Variants in DOCK9 observed in about 807,000 individuals in gnomAD.
DOCK9 encodes dedicator of cytokinesis 9, also known as dedicator of cytokinesis protein 9.
In DOCK9, 89 loss-of-function variants were observed where a neutral mutation model predicts 263.3. That is an observed-to-expected ratio of 0.34 (90% confidence interval 0.28 to 0.40). DOCK9 has a LOEUF of 0.40. Ranked by LOEUF, DOCK9 falls within the 10% of genes least tolerant of loss-of-function variation. The pLI, the probability that DOCK9 is intolerant of heterozygous loss-of-function variation, is 1.00. For missense variants in DOCK9, 2,140 were observed against 2,603.4 expected (o/e 0.82, Z 3.87); for synonymous variants, 976 against 973.1 (o/e 1.00, Z -0.06).
At chr13:99,030,353 T>A (rs1192210869) in intron 1 of DOCK9, among the ~76,000 whole-genome samples, 1 of 152,210 alleles carries the variant, frequency 6.6e-6, no homozygotes, top group Non-Finnish European at 1.5e-5. Context: ...AAATGGAACA[T>A]TTGTTTCTGT....
intron 1 of DOCK9, among the ~76,000 whole-genome samples, chr13:99,037,146 A>C (rs896165489): frequency 6.6e-6 from 1 of 152,202 alleles, no homozygotes; most frequent in African/African-American, 2.4e-5. Context: ...TGTGTATTTC[A>C]TTACAATAAA....
intron 48 of DOCK9, 31 bp from the exon 49 acceptor site, chr13:98,805,240 G>A (rs368521244): frequency 4.5e-6 from 7 of 1,543,060 alleles, no homozygotes; most frequent in Non-Finnish European, 5.3e-6. Context: ...TGGGAGATTG[G>A]TGCTCCATGA....
At position 98,925,897 on chromosome 13, in the gene DOCK9, T is replaced by A; in HGVS notation, c.356A>T (p.Asp119Val). The change falls in exon 4 of 53, where the codon GAC (aspartate) becomes GTC (valine). Residue 119 changes from aspartate (D) to valine (V), a missense_variant. Asp to Val is a radical substitution (Grantham distance 152). This residue lies in a region of DOCK9 where 1,521 missense variants were observed against 1,741.7 expected (regional missense o/e 0.87). Transcript: ENST00000682017. ...ATATTTATAGTTCACAAGATGCCAG[T>A]CAGAGTTATAGGTTTTGATGCACTA... is the stretch of plus-strand genomic sequence containing the variant. ...VTECIKTYNS[D>V]WHLVNYKYED... 6.3e-7 allele frequency: 1 copy of A among 1,587,324 alleles called. No individual in the cohort carries two copies. Among genetic ancestry groups the A allele is most frequent in the South Asian group, 1.2e-5 (1 of 86,820 alleles).
intron 1 of DOCK9, among the ~76,000 whole-genome samples, chr13:99,079,058 C>T (rs2042022133): frequency 6.6e-6 from 1 of 152,210 alleles, no homozygotes; most frequent in African/African-American, 2.4e-5. Flanking sequence ...GACAGGTACA[C>T]TTTTAAAACC....
intron 47 of DOCK9, 51 bp downstream of exon 47, chr13:98,809,290 TTTTTGTTTTTG>T (rs773118680): frequency 2.1e-6 from 3 of 1,408,896 alleles, no homozygotes; most frequent in Admixed American, 4.2e-5. Context: ...TTTTTTTTTG[TTTTTGTTTTTG>T]TTTTTTTTTA....
chr13:99,018,155 T>C (rs1442218663), intron 1 of DOCK9, among the ~76,000 whole-genome samples: 4 of 152,236 alleles, frequency 2.6e-5, no homozygotes, highest in Non-Finnish European at 5.9e-5. Context: ...AGTTTGAATG[T>C]GTCCCCCAAA....
chr13:98,845,591 T>C (rs1268756265), intron 38 of DOCK9, among the ~76,000 whole-genome samples: 1 of 152,176 alleles, frequency 6.6e-6, no homozygotes, highest in Non-Finnish European at 1.5e-5. Context: ...AAGCCAACAT[T>C]AAGTCGGTTC....
rs578057934 is a variant in DOCK9, at chr13:98,909,149, C to G, written c.961-4443G>C. On this transcript the variant is annotated intron_variant, in intron 9 of 52. Coordinates refer to ENST00000682017, the MANE Select transcript of DOCK9 (RefSeq NM_001366683.2). Reference sequence around the variant, plus strand: ...GAGAGGAAAATGGAGACAGAAAATGCACAATGGCAGAGCTGTTCTCTGTAG... The same window carrying G: ...GAGAGGAAAATGGAGACAGAAAATGGACAATGGCAGAGCTGTTCTCTGTAG... 1.4e-3 allele frequency among the ~76,000 whole-genome samples: 215 copies of G among 152,262 alleles called. 1 individual carries two copies. Among genetic ancestry groups the G allele is most frequent in the African/African-American group, 5.0e-3 (206 of 41,558 alleles).
intron 45 of DOCK9, among the ~76,000 whole-genome samples, chr13:98,818,892 T>A (rs1376765381): frequency 6.6e-6 from 1 of 152,224 alleles, no homozygotes; most frequent in African/African-American, 2.4e-5. Context: ...AGCCTATGTC[T>A]GTGCAGGGTT....
chr13:98,934,091 C>CG (rs145777248), intron 2 of DOCK9, among the ~76,000 whole-genome samples: 4,378 of 151,574 alleles, frequency 0.029, 208 homozygotes, highest in African/African-American at 0.099. Flanking sequence ...GAGATGGGGG[C>CG]GGGGGGTCTC....
At chr13:98,963,171 C>T (rs116060626) in intron 1 of DOCK9, among the ~76,000 whole-genome samples, 4,694 of 152,268 alleles carry the variant, frequency 0.031, 105 homozygotes, top group South Asian at 0.062. Flanking sequence ...TTCCCTACAC[C>T]TCCCATGGGG....
intron 38 of DOCK9, among the ~76,000 whole-genome samples, chr13:98,840,413 C>T (rs1419203627): frequency 2.0e-5 from 3 of 152,146 alleles, no homozygotes; most frequent in Admixed American, 6.5e-5. Context: ...ACACATGCCC[C>T]GGGATGCTTT....
intron 4 of DOCK9, among the ~76,000 whole-genome samples, chr13:98,924,515 G>A (rs2052604471): frequency 6.6e-6 from 1 of 152,190 alleles, no homozygotes; most frequent in Non-Finnish European, 1.5e-5. Context: ...GTTTGGATAT[G>A]GTTTTTATTC....
chr13:98,819,582 T>C (rs1222663494), intron 45 of DOCK9, among the ~76,000 whole-genome samples: 1 of 152,200 alleles, frequency 6.6e-6, no homozygotes, highest in Non-Finnish European at 1.5e-5. Context: ...CAGTATGTGC[T>C]GGCATCCGGC....
At chr13:98,819,541 G>T (rs1197610432) in intron 45 of DOCK9, among the ~76,000 whole-genome samples, 2 of 152,174 alleles carry the variant, frequency 1.3e-5, no homozygotes, top group Non-Finnish European at 2.9e-5. Flanking sequence ...TGCCAAGGAA[G>T]CCCAGTCCAC....
At chr13:98,923,121 G>C (rs1032280245) in intron 5 of DOCK9, among the ~76,000 whole-genome samples, 181 bp downstream of exon 5, 5 of 152,178 alleles carry the variant, frequency 3.3e-5, no homozygotes, top group African/African-American at 1.2e-4. Flanking sequence ...CAGTAAAGTT[G>C]AAACAGAGAC....
intron 28 of DOCK9, 70 bp from the exon 29 acceptor site, chr13:98,868,081 A>G: frequency 6.4e-7 from 1 of 1,551,704 alleles, no homozygotes; most frequent in Non-Finnish European, 8.8e-7. Context: ...TCAAAGCAGC[A>G]TTTATTGCTA....
At chr13:98,921,771 C>T (rs1319944241) in intron 6 of DOCK9, among the ~76,000 whole-genome samples, 1 of 152,186 alleles carries the variant, frequency 6.6e-6, no homozygotes, top group South Asian at 2.1e-4. Flanking sequence ...CCAAAGAGCA[C>T]TTTTCAGTTA....
rs867217318 is a variant in DOCK9, at chr13:99,063,918, A to C, written c.129+22305T>G. On this transcript the variant is annotated intron_variant, in intron 1 of 32. Transcript: ENST00000427887. ...CAACCTGTCCGCAGGTTTCACGCTG[A>C]GGAGCACTCCCTCCCTTCCAACATG... is the stretch of plus-strand genomic sequence containing the variant. Among the ~76,000 whole-genome samples the C allele has an allele frequency of 1.9e-4, 29 of 152,268 alleles. No individual in the cohort carries two copies. In the South Asian group the frequency reaches 2.1e-3, roughly 11 times the overall value.
Sources: gnomAD v4.1 joint callset for allele counts (sites outside exome capture counted in the v4.1 genomes callset) on GRCh38, gnomAD v4.1.1 for gene constraint, gnomAD v4.1.1 regional missense constraint, MANE v1.5 for transcripts, NCBI Gene and HGNC (gene_info 2026-07-23, HGNC 2026-07-21) for gene names.